VCAN: variants seen among roughly 807,000 people sequenced by gnomAD.
VCAN encodes versican.
VCAN carries 44 observed loss-of-function variants against 245.5 expected under a neutral mutation model. The ratio of observed to expected loss-of-function variants is 0.18; its 90% CI spans 0.14 to 0.23. The LOEUF (loss-of-function observed/expected upper bound fraction) is 0.23, where lower values mean the gene tolerates loss of function less well. Among genes scored for constraint, VCAN ranks in the 10% least tolerant of loss-of-function variants. The pLI is 1.00. For missense variants in VCAN, 3,793 were observed against 4,057.9 expected, an observed-to-expected ratio of 0.93 and a Z score of 1.77; for synonymous variants, 1,413 against 1,437.0, an observed-to-expected ratio of 0.98 and a Z score of 0.38.
Position 83,490,097 on chromosome 5 carries a change from G to T in VCAN, c.71-1G>T. On this transcript the variant is annotated splice_acceptor_variant, in intron 2 of 14. Coordinates refer to ENST00000265077, the MANE Select transcript of VCAN (RefSeq NM_004385.5). LOFTEE classifies it high-confidence loss of function. ...AATTTGTTATTTTCTCTTTCCTCTA[G>T]TCAAAGTGGGAAAAAGCCCACCGGT... 1.2e-6 allele frequency: 2 copies of T among 1,613,654 alleles called. No individual in the cohort carries two copies. Among genetic ancestry groups the T allele is most frequent in the South Asian group, 2.2e-5 (2 of 91,074 alleles).
At chr5:83,574,516 T>G (rs2112502692) in intron 13 of VCAN, among the ~76,000 whole-genome samples, 1 of 152,350 alleles carries the variant, frequency 6.6e-6, no homozygotes, top group Admixed American at 6.5e-5. Flanking sequence ...GCTTTCAGGA[T>G]TTCAACATTT....
At chr5:83,473,864 C>T (rs917166935) in intron 1 of VCAN, among the ~76,000 whole-genome samples, 1 of 152,176 alleles carries the variant, frequency 6.6e-6, no homozygotes, top group Non-Finnish European at 1.5e-5. Context: ...CAATCTGCGG[C>T]GTACATCTAG....
intron 6 of VCAN, among the ~76,000 whole-genome samples, chr5:83,518,476 C>T (rs1360777037): frequency 6.6e-6 from 1 of 152,136 alleles, no homozygotes; most frequent in Non-Finnish European, 1.5e-5. Flanking sequence ...TTTGTAATTA[C>T]AGACCTAAAA....
intron 13 of VCAN, among the ~76,000 whole-genome samples, chr5:83,574,669 G>A (rs1386490606): frequency 6.6e-6 from 1 of 152,012 alleles, no homozygotes; most frequent in African/African-American, 2.4e-5. Flanking sequence ...AATTGTCACC[G>A]GTTTTTGCCA....
At chr5:83,557,194 T>C (rs892638120) in intron 12 of VCAN, among the ~76,000 whole-genome samples, 1 of 152,124 alleles carries the variant, frequency 6.6e-6, no homozygotes, top group Non-Finnish European at 1.5e-5. Flanking sequence ...AAAATCTTTT[T>C]TTCCTACACA....
Position 83,520,686 on chromosome 5 carries a change from A to G in VCAN, c.2380A>G (p.Ser794Gly). 1 of 1,614,136 alleles carries G rather than the reference A, an allele frequency of 6.2e-7. No individual in the cohort carries two copies. The highest frequency in any genetic ancestry group is 8.5e-7 in the Non-Finnish European group (1 of 1,180,010). ...TTVLLAHGTL[S>G]VEAATVSKWS... ...AGTGCTTTTGGCCCATGGTACTTTAAGTGTTGAAGCAGCCACTGTATCAAA... is the reference window on the plus strand; with the variant it reads ...AGTGCTTTTGGCCCATGGTACTTTAGGTGTTGAAGCAGCCACTGTATCAAA... Residue 794 changes from serine (S) to glycine (G), a missense_variant, in exon 7 of 15, where the codon AGT becomes GGT. This residue lies in a region of VCAN where 3,182 missense variants were observed against 3,250.3 expected (regional missense o/e 0.98). Coordinates refer to ENST00000265077, the MANE Select transcript of VCAN (RefSeq NM_004385.5).
intron 11 of VCAN, among the ~76,000 whole-genome samples, chr5:83,554,614 C>T (rs1747592969): frequency 6.6e-6 from 1 of 150,936 alleles, no homozygotes; most frequent in Non-Finnish European, 1.5e-5. Flanking sequence ...CGCTTAAAAA[C>T]AACAACAACA....
chr5:83,561,741 A>G lies in VCAN; in HGVS notation c.9735+6703A>G, dbSNP rs564423245. Among the ~76,000 whole-genome samples, 207 of 152,310 alleles carry G rather than the reference A, an allele frequency of 1.4e-3. 1 individual carries two copies. The highest frequency in any genetic ancestry group is 0.01 in the Middle Eastern group (3 of 294). The stretch of plus-strand genomic sequence containing the variant: ...AAATAGCCCTTACCCAGGAAGAGAC[A>G]CTTAAAAGGGGCAGAAAAAATGGAG... On this transcript the variant is annotated intron_variant, in intron 12 of 14. Coordinates refer to ENST00000265077, the MANE Select transcript of VCAN (RefSeq NM_004385.5).
chr5:83,573,197 C>T (rs528331708), intron 13 of VCAN, among the ~76,000 whole-genome samples: 6 of 152,106 alleles, frequency 3.9e-5, no homozygotes, highest in Admixed American at 1.3e-4. Context: ...CGCTCCTGAC[C>T]GACTTCTTTT....
At chr5:83,571,385 A>G (rs1310292316) in intron 12 of VCAN, among the ~76,000 whole-genome samples, 1 of 152,212 alleles carries the variant, frequency 6.6e-6, no homozygotes, top group African/African-American at 2.4e-5. Flanking sequence ...TTCTGGGTGC[A>G]TAACATCTCT....
intron 1 of VCAN, among the ~76,000 whole-genome samples, chr5:83,475,620 G>T (rs1308458478): frequency 6.6e-6 from 1 of 152,226 alleles, no homozygotes; most frequent in Admixed American, 6.5e-5. Flanking sequence ...TCAGGGAGAA[G>T]GTCTCCAAGA....
intron 12 of VCAN, among the ~76,000 whole-genome samples, chr5:83,559,119 C>T (rs190820480): frequency 6.6e-6 from 1 of 152,242 alleles, no homozygotes; most frequent in Admixed American, 6.5e-5. Context: ...TTGCTTGTCA[C>T]CCAAGTAATA....
chr5:83,580,302 T>G lies in VCAN; in HGVS notation c.10064-5T>G. On this transcript the variant is annotated splice_polypyrimidine_tract_variant and splice_region_variant and intron_variant, in intron 14 of 14. Coordinates refer to ENST00000265077, the MANE Select transcript of VCAN (RefSeq NM_004385.5). ...TTCTTTTTTTCTTTCTTTCCTTCCA[T>G]GTAGCATCTGCATACCAAAGGACTT... is the stretch of plus-strand genomic sequence containing the variant. The G allele has an allele frequency of 6.2e-7, 1 of 1,613,920 alleles. No individual in the cohort carries two copies. The highest frequency in any genetic ancestry group is 8.5e-7 in the Non-Finnish European group (1 of 1,179,960).
chr5:83,559,739 A>G (rs192426379), intron 12 of VCAN, among the ~76,000 whole-genome samples: 3 of 152,238 alleles, frequency 2.0e-5, no homozygotes, highest in African/African-American at 7.2e-5. Flanking sequence ...CTGAGATAGG[A>G]ATTAACTTTC....
At chr5:83,561,688 A>C (rs1042261627) in intron 12 of VCAN, among the ~76,000 whole-genome samples, 27 of 152,170 alleles carry the variant, frequency 1.8e-4, no homozygotes, top group Non-Finnish European at 3.2e-4. Flanking sequence ...GAGAAAAGCC[A>C]GCTTTGAAAA....
Position 83,512,396 on chromosome 5 carries a change from C to T in VCAN, c.1042C>T (p.Pro348Ser), listed in dbSNP as rs746041392. The change falls in exon 6 of 15, where the codon CCT becomes TCT. Residue 348 changes from proline (P) to serine (S), a missense_variant and splice_region_variant. Transcript: ENST00000265077. Reference protein sequence around the residue: ...DSRFDAYCFKPKEATTIDLSI... With the variant: ...DSRFDAYCFKSKEATTIDLSI... ...CAGATTTGATGCCTACTGCTTTAAA[C>T]GTAAGTGTTTGATACCTTTTTAAAA... 18 of 1,612,110 alleles carry T rather than the reference C, an allele frequency of 1.1e-5. No individual in the cohort carries two copies. Among genetic ancestry groups the T allele is most frequent in the Admixed American group, 3.3e-5 (2 of 59,910 alleles).
chr5:83,569,952 AT>A (rs1748226965), intron 12 of VCAN, among the ~76,000 whole-genome samples: 1 of 152,154 alleles, frequency 6.6e-6, no homozygotes, highest in Admixed American at 6.6e-5. Flanking sequence ...TGAAATGTTG[AT>A]TATCTATTAA....
intron 1 of VCAN, among the ~76,000 whole-genome samples, chr5:83,476,303 A>G (rs1021867725): frequency 1.3e-5 from 2 of 152,256 alleles, no homozygotes; most frequent in African/African-American, 2.4e-5. Flanking sequence ...ATGGACAAAC[A>G]TCGGTAAACA....
chr5:83,514,921 C>A (rs984684771), intron 6 of VCAN, among the ~76,000 whole-genome samples: 4 of 152,176 alleles, frequency 2.6e-5, no homozygotes, highest in Non-Finnish European at 5.9e-5. Flanking sequence ...ATACAGCTGG[C>A]TGGTTATGTA....
Sources: allele counts gnomAD v4.1 joint callset (sites outside exome capture counted in the v4.1 genomes callset), GRCh38; gene constraint gnomAD v4.1.1; regional missense constraint gnomAD v4.1.1; transcripts MANE v1.5; gene names NCBI Gene and HGNC (gene_info 2026-07-23, HGNC 2026-07-21).